The following APPBP2 variants were observed in gnomAD, a reference collection of about 807,000 sequenced individuals.
APPBP2 encodes amyloid beta precursor protein binding protein 2.
A neutral mutation model predicts 76.0 loss-of-function variants in APPBP2; 15 were observed. The ratio of observed to expected loss-of-function variants is 0.20; its 90% CI spans 0.13 to 0.30. The LOEUF is 0.30. APPBP2 is among the 10% of genes least tolerant of loss of function. APPBP2 has a pLI of 1.00. For missense variants in APPBP2, 401 were observed against 687.2 expected (o/e 0.58, Z 4.66); for synonymous variants, 222 against 242.2 (o/e 0.92, Z 0.77).
chr17:60,460,425 C>A, intron 9 of APPBP2: 1 of 244,088 alleles, frequency 4.1e-6, no homozygotes, highest in Non-Finnish European at 7.7e-6. Flanking sequence ...AATCTTTCCA[C>A]CTCAGCCTCC....
intron 1 of APPBP2, among the ~76,000 whole-genome samples, chr17:60,518,340 C>T (rs2090979133): frequency 6.7e-6 from 1 of 149,334 alleles, no homozygotes; most frequent in Non-Finnish European, 1.5e-5. Context: ...AGCTACCATG[C>T]CCAGCCGTGT....
At chr17:60,499,430 C>G (rs2090804109) in intron 2 of APPBP2, among the ~76,000 whole-genome samples, 1 of 144,492 alleles carries the variant, frequency 6.9e-6, no homozygotes, top group African/African-American at 2.6e-5. Context: ...TCCCAGCTAG[C>G]AGAGAGGCTG....
intron 10 of APPBP2, among the ~76,000 whole-genome samples, chr17:60,454,719 G>T (rs16944382): frequency 0.082 from 12,517 of 152,050 alleles, 1,708 homozygotes; most frequent in African/African-American, 0.28. Flanking sequence ...GAAAAACAAT[G>T]GTATAAACGA....
intron 9 of APPBP2, 67 bp from the exon 10 acceptor site, chr17:60,456,448 T>G: frequency 9.9e-7 from 1 of 1,005,582 alleles, no homozygotes; most frequent in Non-Finnish European, 1.6e-6. Context: ...ATTTTAAAAA[T>G]CACAATCTGT....
intron 1 of APPBP2, among the ~76,000 whole-genome samples, chr17:60,522,957 T>C (rs1048382266): frequency 1.3e-5 from 2 of 152,140 alleles, no homozygotes; most frequent in African/African-American, 4.8e-5. Context: ...TCCTGCTTCT[T>C]TACCTTCCAT....
At chr17:60,448,044 AAAG>A (rs1363783454) in intron 12 of APPBP2, among the ~76,000 whole-genome samples, 1 of 152,228 alleles carries the variant, frequency 6.6e-6, no homozygotes, top group Non-Finnish European at 1.5e-5. Flanking sequence ...TTTCTCGTCT[AAAG>A]AAGTTGGCCT....
At chr17:60,487,706 A>G (rs1186518618) in intron 3 of APPBP2, among the ~76,000 whole-genome samples, 3 of 152,194 alleles carry the variant, frequency 2.0e-5, no homozygotes, top group East Asian at 3.9e-4. Flanking sequence ...TCAACTTGTC[A>G]AAGTCATTCT....
In APPBP2 at chr17:60,451,894, C is replaced by T. The variant is rs1178782140; in HGVS notation, c.1490G>A (p.Arg497Gln). Residue 497 changes from arginine to glutamine, a missense_variant, in exon 12 of 13, where the codon CGA becomes CAA. Physicochemically the swap from Arg to Gln is conservative, Grantham distance 43 (BLOSUM62 1). Coordinates refer to ENST00000083182, the MANE Select transcript of APPBP2 (RefSeq NM_006380.5). ...QYENAEKLYLRSIAIGKKLFG... is the reference protein window; with the variant it reads ...QYENAEKLYLQSIAIGKKLFG... ...ATGTAACATACCAATTGCTATAGAT[C>T]GCAAATAAAGTTTCTCAGCATTTTC... The T allele has an allele frequency of 2.5e-6, 4 of 1,606,682 alleles. No individual in the cohort carries two copies. In the African/African-American group the frequency reaches 4.0e-5, roughly 16 times the overall value.
At chr17:60,471,079 G>C (rs527311654) in intron 4 of APPBP2, among the ~76,000 whole-genome samples, 2 of 152,024 alleles carry the variant, frequency 1.3e-5, no homozygotes, top group Non-Finnish European at 2.9e-5. Flanking sequence ...TTACAGGTGT[G>C]AGCCACAGGG....
chr17:60,447,550 GA>G lies in APPBP2; in HGVS notation c.*30del. ...ACAGTATGAATTCCCTGGAATCCGGGAAAAGGTAATTGGTTAACTGAGGTCC... is the reference window on the plus strand; with the variant it reads ...ACAGTATGAATTCCCTGGAATCCGGGAAAGGTAATTGGTTAACTGAGGTCC... On this transcript the variant is annotated 3_prime_UTR_variant, in exon 13 of 13. Transcript: ENST00000083182. The G allele has an allele frequency of 1.3e-6, 2 of 1,567,192 alleles. No individual in the cohort carries two copies. The highest frequency in any genetic ancestry group is 1.7e-6 in the Non-Finnish European group (2 of 1,158,040).
intron 2 of APPBP2, among the ~76,000 whole-genome samples, chr17:60,499,294 A>G (rs2090802778): frequency 6.6e-6 from 1 of 151,982 alleles, no homozygotes; most frequent in Non-Finnish European, 1.5e-5. Flanking sequence ...CGAACATGCC[A>G]CTGAACTCCA....
intron 1 of APPBP2, among the ~76,000 whole-genome samples, chr17:60,523,702 T>C (rs987226321): frequency 2.0e-5 from 3 of 152,138 alleles, no homozygotes; most frequent in Non-Finnish European, 4.4e-5. Flanking sequence ...AATTTCTTCT[T>C]ACATCTCCAT....
At chr17:60,500,296 A>C (rs979074806) in intron 2 of APPBP2, 103 bp downstream of exon 2, 2 of 799,318 alleles carry the variant, frequency 2.5e-6, no homozygotes, top group Non-Finnish European at 2.0e-6. Context: ...CGTAAGCCAC[A>C]GCACCCAGCC....
rs768477779 is a variant in APPBP2 at position 60,500,506 on chromosome 17, G to GAC, written c.139-20_139-19insGT. Reference sequence around the variant, plus strand: ...GGTAAAGCTGAAATAAAAAACAAATGATTTAAAAATTTTGCAATTTAATTC... The same window carrying GAC: ...GGTAAAGCTGAAATAAAAAACAAATGACATTTAAAAATTTTGCAATTTAATTC... On this transcript the variant is annotated intron_variant, in intron 1 of 12. Coordinates refer to ENST00000083182, the MANE Select transcript of APPBP2 (RefSeq NM_006380.5). The GAC allele has an allele frequency of 1.6e-4, 255 of 1,568,454 alleles. 1 individual carries two copies. In the African/African-American group the frequency reaches 2.6e-3, roughly 16 times the overall value.
intron 9 of APPBP2, chr17:60,460,408 C>T (rs1032372786): frequency 2.7e-5 from 6 of 218,936 alleles, no homozygotes; most frequent in African/African-American, 1.4e-4. Flanking sequence ...AACTCTTGGG[C>T]TCAAGCAATC....
At chr17:60,520,522 G>A (rs952635613) in intron 1 of APPBP2, among the ~76,000 whole-genome samples, 8 of 147,862 alleles carry the variant, frequency 5.4e-5, no homozygotes, top group Non-Finnish European at 1.0e-4. Context: ...GCAGTGAGCC[G>A]ACATTGTGCC....
At chr17:60,469,324 CAAA>C (rs1159684144) in intron 4 of APPBP2, among the ~76,000 whole-genome samples, 1 of 53,098 alleles carries the variant, frequency 1.9e-5, no homozygotes, top group African/African-American at 5.7e-5. Flanking sequence ...GACTCCATCT[CAAA>C]AAAAAAAAAA....
chr17:60,522,904 C>G (rs1348506020), intron 1 of APPBP2, among the ~76,000 whole-genome samples: 3 of 151,576 alleles, frequency 2.0e-5, no homozygotes. Flanking sequence ...CATATTTTAC[C>G]CTTTCTATGC....
chr17:60,512,799 A>T (rs1163859986), intron 1 of APPBP2, among the ~76,000 whole-genome samples: 1 of 139,224 alleles, frequency 7.2e-6, no homozygotes, highest in Admixed American at 7.9e-5. Flanking sequence ...TGCCCATTAC[A>T]CTCCAGCCTA....
Sources: gnomAD v4.1 joint callset for allele counts (sites outside exome capture counted in the v4.1 genomes callset) on GRCh38, gnomAD v4.1.1 for gene constraint, MANE v1.5 for transcripts, NCBI Gene and HGNC (gene_info 2026-07-23, HGNC 2026-07-21) for gene names.